COQ4: variants seen among roughly 807,000 people sequenced by gnomAD.
COQ4 encodes ubiquinone biosynthesis protein COQ4 homolog, mitochondrial.
Under a neutral mutation model 30.2 loss-of-function variants are expected in COQ4, and 36 were observed. The observed-to-expected ratio is 1.19, with a 90% confidence interval of 0.91 to 1.57. COQ4 has a LOEUF of 1.57. Ranked by LOEUF, COQ4 falls within the 40% of genes most tolerant of loss-of-function variation. The pLI is 0.00. For missense variants in COQ4, 369 were observed against 371.9 expected (o/e 0.99, Z 0.07); for synonymous variants, 197 against 161.0 (o/e 1.22, Z -1.69).
intron 4 of COQ4, chr9:128,331,182 C>T (rs1390875222): frequency 6.6e-6 from 1 of 152,198 alleles, no homozygotes; most frequent in Admixed American, 6.5e-5. Flanking sequence ...TCATACTAAG[C>T]ATTTGAAGTC....
Position 128,330,906 on chromosome 9 carries a change from C to G in COQ4, c.403-1247C>G, listed in dbSNP as rs1410057693. 2 of 150,314 alleles carry G rather than the reference C, an allele frequency of 1.3e-5. 1 individual carries two copies. The highest frequency in any genetic ancestry group is 4.2e-4 in the South Asian group (2 of 4,786). The allele number at this position is 150,314 out of a possible 1,614,324, so 9.3% of individuals were successfully genotyped here. A position where few individuals can be genotyped will look rare whatever the true frequency, so the allele number is the denominator to read the frequency against. On this transcript the variant is annotated intron_variant, in intron 4 of 6. Transcript: ENST00000300452. ...AGGCTGGAGTGCAGTGGCGCGATCTCGGCTCGCTGCAAGCTCCGCCTCCCG... is the reference window on the plus strand; with the variant it reads ...AGGCTGGAGTGCAGTGGCGCGATCTGGGCTCGCTGCAAGCTCCGCCTCCCG...
chr9:128,328,238 G>A (rs75253837), intron 4 of COQ4, among the ~76,000 whole-genome samples: 6,334 of 152,314 alleles, frequency 0.042, 157 homozygotes, highest in Middle Eastern at 0.075. Flanking sequence ...GGAAACTTGT[G>A]GAAGGTTTTG....
Position 128,333,672 on chromosome 9 carries a change from A to G in COQ4, c.*27A>G, listed in dbSNP as rs1564394390. On this transcript the variant is annotated 3_prime_UTR_variant, in exon 7 of 7. Transcript: ENST00000300452. ...CTCCTGAGCCAGCGGGGCCTGGCCT[A>G]CCTCCCCCATCCCCTGCTTCCCTTG... The G allele has an allele frequency of 3.3e-6, 5 of 1,496,892 alleles. No individual in the cohort carries two copies. The East Asian group carries it at 7.4e-5, about 22-fold the overall frequency. The allele number at this position is 1,496,892 out of a possible 1,614,324, so 92.7% of individuals were successfully genotyped here. A position where few individuals can be genotyped will look rare whatever the true frequency, so the allele number is the denominator to read the frequency against.
At chr9:128,323,173 G>T in intron 2 of COQ4, 26 bp downstream of exon 2, 1 of 1,563,684 alleles carries the variant, frequency 6.4e-7, no homozygotes, top group Non-Finnish European at 8.6e-7. Flanking sequence ...CCTCGCCCCC[G>T]TGGGGGCGGC....
intron 5 of COQ4, chr9:128,332,507 GGT>G: frequency 1.7e-6 from 1 of 601,594 alleles, no homozygotes; most frequent in Admixed American, 3.0e-5. Flanking sequence ...CAAGGCTCCT[GGT>G]GTCTTTTTAG....
At chr9:128,330,133 G>T (rs966136094) in intron 4 of COQ4, among the ~76,000 whole-genome samples, 1 of 151,872 alleles carries the variant, frequency 6.6e-6, no homozygotes, top group African/African-American at 2.4e-5. Flanking sequence ...CTCTCTGGGA[G>T]GCCCAGGCGG....
At chr9:128,324,725 G>T (rs1006613320) in intron 2 of COQ4, among the ~76,000 whole-genome samples, 1 of 151,964 alleles carries the variant, frequency 6.6e-6, no homozygotes, top group African/African-American at 2.4e-5. Flanking sequence ...CTCCAGCCTG[G>T]GCAACAGAGC....
At chr9:128,332,793 C>G in intron 5 of COQ4, 57 bp from the exon 6 acceptor site, 1 of 1,263,814 alleles carries the variant, frequency 7.9e-7, no homozygotes, top group Non-Finnish European at 1.2e-6. Context: ...GCTGTGAGCA[C>G]CACTGGCCTT....
intron 2 of COQ4, among the ~76,000 whole-genome samples, chr9:128,324,270 C>T (rs1832278762): frequency 6.6e-6 from 1 of 152,054 alleles, no homozygotes; most frequent in African/African-American, 2.4e-5. Flanking sequence ...TGAGCCACCA[C>T]GCCCGGCCAA....
At chr9:128,326,562 C>T (rs1299190353) in intron 4 of COQ4, among the ~76,000 whole-genome samples, 2 of 152,210 alleles carry the variant, frequency 1.3e-5, no homozygotes, top group South Asian at 4.1e-4. Context: ...CCTGCCTCAG[C>T]CTCCCGAGTA....
At chr9:128,329,729 TG>T (rs1160381056) in intron 4 of COQ4, among the ~76,000 whole-genome samples, 1 of 152,098 alleles carries the variant, frequency 6.6e-6, no homozygotes, top group African/African-American at 2.4e-5. Context: ...ATTGCAAGGA[TG>T]AAAGGATAAT....
chr9:128,324,010 G>A (rs1344138321), intron 2 of COQ4, among the ~76,000 whole-genome samples: 7 of 152,082 alleles, frequency 4.6e-5, no homozygotes, highest in African/African-American at 1.7e-4. Flanking sequence ...TTGAGACACA[G>A]TATTGCTCTG....
chr9:128,332,377 C>T, intron 5 of COQ4, 95 bp downstream of exon 5: 2 of 1,368,276 alleles, frequency 1.5e-6, no homozygotes. Flanking sequence ...CATCACCTGG[C>T]TTGGTGCCTC....
chr9:128,332,764 C>A, intron 5 of COQ4, 86 bp from the exon 6 acceptor site: 1 of 1,006,088 alleles, frequency 9.9e-7, no homozygotes, highest in Non-Finnish European at 1.6e-6. Context: ...TAGGGAGGAA[C>A]AGTGCCTCTC....
rs1355782827 is a variant in COQ4, at chr9:128,323,095, G to A, written c.150G>A (p.Gly50=). ...HHLPTSPLQK[G]LLAAGSAAMA... The stretch of plus-strand genomic sequence containing the variant: ...TCCCCACCTCCCCGCTGCAGAAAGG[G>A]CTGTTGGCCGCCGGCTCCGCGGCGA... Residue 50 remains glycine (G), a synonymous_variant, in exon 2 of 7, where the codon GGG becomes GGA. Transcript: ENST00000300452. 2 of 1,611,354 alleles carry A rather than the reference G, an allele frequency of 1.2e-6. No individual in the cohort carries two copies. Among genetic ancestry groups the A allele is most frequent in the Non-Finnish European group, 1.7e-6 (2 of 1,179,652 alleles).
intron 4 of COQ4, among the ~76,000 whole-genome samples, chr9:128,328,119 C>T (rs946942919): frequency 1.3e-5 from 2 of 152,226 alleles, no homozygotes; most frequent in South Asian, 2.1e-4. Flanking sequence ...CCAGTGTGGC[C>T]GCAGAGGAGG....
At chr9:128,331,302 A>G (rs200419086) in intron 4 of COQ4, 1 of 151,028 alleles carries the variant, frequency 6.6e-6, no homozygotes, top group African/African-American at 2.4e-5. Context: ...ATTAATACTC[A>G]CATCCACTAA....
At chr9:128,324,876 G>A (rs1230519572) in intron 2 of COQ4, among the ~76,000 whole-genome samples, 2 of 152,210 alleles carry the variant, frequency 1.3e-5, no homozygotes, top group Non-Finnish European at 2.9e-5. Context: ...ACATGATATT[G>A]TATTGTGAAA....
chr9:128,330,160 GGAGTTT>G (rs1832381235), intron 4 of COQ4, among the ~76,000 whole-genome samples: 1 of 151,342 alleles, frequency 6.6e-6, no homozygotes, highest in African/African-American at 2.4e-5. Context: ...CACGAAGTCA[GGAGTTT>G]GAGACCAGCC....
Sources: allele counts gnomAD v4.1 joint callset (sites outside exome capture counted in the v4.1 genomes callset), GRCh38; gene constraint gnomAD v4.1.1; transcripts MANE v1.5; gene names NCBI Gene and HGNC (gene_info 2026-07-23, HGNC 2026-07-21).